NUP205: variants seen among roughly 807,000 people sequenced by gnomAD.
NUP205 encodes nucleoporin 205.
A neutral mutation model predicts 253.8 loss-of-function variants in NUP205; 76 were observed. The ratio of observed to expected loss-of-function variants is 0.30; its 90% CI spans 0.25 to 0.36. The LOEUF is 0.36. Ranked by LOEUF, NUP205 falls within the 10% of genes least tolerant of loss-of-function variation. The probability of loss-of-function intolerance (pLI) is 1.00; values close to 1 mark genes in which losing one functional copy is unlikely to be tolerated. For missense variants in NUP205, 2,162 were observed against 2,425.5 expected, an observed-to-expected ratio of 0.89 and a Z score of 2.28; for synonymous variants, 832 against 850.1, an observed-to-expected ratio of 0.98 and a Z score of 0.37.
At chr7:135,631,839 T>C (rs1794720947) in intron 35 of NUP205, among the ~76,000 whole-genome samples, 1 of 150,620 alleles carries the variant, frequency 6.6e-6, no homozygotes, top group East Asian at 2.0e-4. Flanking sequence ...AAGCTCCGCC[T>C]CCCCGATTCA....
chr7:135,570,518 G>A (rs940151953), intron 1 of NUP205, among the ~76,000 whole-genome samples: 1 of 151,030 alleles, frequency 6.6e-6, no homozygotes, highest in African/African-American at 2.4e-5. Flanking sequence ...CCTACCTAAA[G>A]TCAGGATTTA....
intron 39 of NUP205, among the ~76,000 whole-genome samples, chr7:135,643,944 A>G (rs942531219): frequency 4.7e-4 from 72 of 152,346 alleles, no homozygotes; most frequent in African/African-American, 1.7e-3. Context: ...GTCCTGTCGC[A>G]GCCTGAATGT....
chr7:135,632,654 A>G (rs1379018873), intron 35 of NUP205, among the ~76,000 whole-genome samples: 5 of 151,976 alleles, frequency 3.3e-5, no homozygotes, highest in Admixed American at 2.6e-4. Flanking sequence ...CCCAGGGTCT[A>G]TTCCACCCAG....
chr7:135,584,854 A>G lies in NUP205; in HGVS notation c.1065A>G (p.Ala355=). The change falls in exon 8 of 43, where the codon GCA becomes GCG. Residue 355 remains alanine (A), a synonymous_variant. Coordinates refer to ENST00000285968, the MANE Select transcript of NUP205 (RefSeq NM_015135.3). ...TAGCTCTGGCAGAATTCACAGAGGCAGATGAAGCAATGGCAGAACTCGCAA... is the reference window on the plus strand; with the variant it reads ...TAGCTCTGGCAGAATTCACAGAGGCGGATGAAGCAATGGCAGAACTCGCAA... ...DVTALAEFTE[A]DEAMAELAIA... is the part of the protein sequence containing the mutation. 1.2e-6 allele frequency: 2 copies of G among 1,614,098 alleles called. No homozygotes were observed. The highest frequency in any genetic ancestry group is 1.7e-6 in the Non-Finnish European group (2 of 1,179,978).
At chr7:135,566,770 C>T (rs1411911376) in intron 1 of NUP205, among the ~76,000 whole-genome samples, 1 of 152,006 alleles carries the variant, frequency 6.6e-6, no homozygotes, top group East Asian at 1.9e-4. Flanking sequence ...CGGAGTCTTG[C>T]TCTGTTGCCC....
chr7:135,561,653 A>G (rs1204074649), intron 1 of NUP205, among the ~76,000 whole-genome samples: 1 of 152,170 alleles, frequency 6.6e-6, no homozygotes, highest in Non-Finnish European at 1.5e-5. Context: ...TCTCAAACCT[A>G]CAAACCTAGG....
At chr7:135,567,852 A>G (rs927614086) in intron 1 of NUP205, among the ~76,000 whole-genome samples, 2 of 152,212 alleles carry the variant, frequency 1.3e-5, no homozygotes, top group Non-Finnish European at 2.9e-5. Context: ...GTCTAAACAC[A>G]TATGAGTACC....
intron 30 of NUP205, among the ~76,000 whole-genome samples, chr7:135,621,113 A>G (rs1794462347): frequency 6.6e-6 from 1 of 152,226 alleles, no homozygotes; most frequent in Admixed American, 6.5e-5. Flanking sequence ...TACACTGTTA[A>G]AAACCACTGT....
chr7:135,629,469 A>ATCTCTC (rs201403059), intron 34 of NUP205, among the ~76,000 whole-genome samples: 2,857 of 119,696 alleles, frequency 0.024, 121 homozygotes, highest in Non-Finnish European at 0.032. Flanking sequence ...GTGAGACCCT[A>ATCTCTC]TCTCTCTCTC....
intron 39 of NUP205, among the ~76,000 whole-genome samples, chr7:135,644,442 G>T (rs1794969156): frequency 6.6e-6 from 1 of 152,236 alleles, no homozygotes; most frequent in Admixed American, 6.5e-5. Context: ...GTGCTTGTGT[G>T]TGTGCCACAT....
chr7:135,638,203 A>G (rs1008203212), intron 37 of NUP205, 144 bp downstream of exon 37: 2 of 822,244 alleles, frequency 2.4e-6, no homozygotes, highest in South Asian at 1.8e-5. Context: ...TGAGGTCAAG[A>G]GTTGAAGACC....
rs189489578 is a variant in NUP205 at position 135,573,842 on chromosome 7, C to G, written c.343+17C>G. Reference sequence around the variant, plus strand: ...TTCTTGCTGGTAGGTTGACATTTAACTGAAACAGTGGTAAAATAATGCAAA... The same window carrying G: ...TTCTTGCTGGTAGGTTGACATTTAAGTGAAACAGTGGTAAAATAATGCAAA... On this transcript the variant is annotated intron_variant, in intron 3 of 42. Transcript: ENST00000285968. 2.4e-5 allele frequency: 38 copies of G among 1,592,312 alleles called. No homozygotes were observed. In the African/African-American group the frequency reaches 4.7e-4, roughly 20 times the overall value.
intron 38 of NUP205, among the ~76,000 whole-genome samples, chr7:135,639,307 T>A (rs1794874882): frequency 6.6e-6 from 1 of 152,220 alleles, no homozygotes; most frequent in Non-Finnish European, 1.5e-5. Context: ...CATTTTCATC[T>A]TCTTCAAGAT....
At chr7:135,570,229 T>C (rs964431857) in intron 1 of NUP205, among the ~76,000 whole-genome samples, 10 of 152,014 alleles carry the variant, frequency 6.6e-5, no homozygotes, top group African/African-American at 2.4e-4. Context: ...TAAATTTTTT[T>C]TGAGATGGGG....
At chr7:135,642,021 G>C (rs1307316762) in intron 38 of NUP205, among the ~76,000 whole-genome samples, 1 of 151,974 alleles carries the variant, frequency 6.6e-6, no homozygotes, top group Non-Finnish European at 1.5e-5. Context: ...TTGGGAGGCC[G>C]AGGCGGGTGG....
chr7:135,638,243 G>A (rs1177835831), intron 37 of NUP205, among the ~76,000 whole-genome samples, 184 bp downstream of exon 37: 1 of 152,004 alleles, frequency 6.6e-6, no homozygotes, highest in Non-Finnish European at 1.5e-5. Context: ...AACCTTGTGT[G>A]TACTAAAAAT....
In NUP205 at chr7:135,594,696, T is replaced by G. The variant is rs147701461; in HGVS notation, c.1980T>G (p.Ala660=). 7.6e-5 allele frequency: 122 copies of G among 1,613,662 alleles called. No individual in the cohort carries two copies. The highest frequency in any genetic ancestry group is 1.0e-4 in the Non-Finnish European group (118 of 1,179,808). The change falls in exon 13 of 43, where the codon GCT becomes GCG. Residue 660 remains alanine (A), a synonymous_variant. Transcript: ENST00000285968. ...LAAFGKSPEI[A]ASLWQSLEYT... ...CTTTTGGAAAATCTCCTGAAATTGCTGCTTCCCTCTGGCAGTCATTGGAAT... is the reference window on the plus strand; with the variant it reads ...CTTTTGGAAAATCTCCTGAAATTGCGGCTTCCCTCTGGCAGTCATTGGAAT...
rs372202453 is a variant in NUP205 at position 135,628,028 on chromosome 7, C to T, written c.4849C>T (p.Arg1617Cys). 23 of 1,611,286 alleles carry T rather than the reference C, an allele frequency of 1.4e-5. No homozygotes were observed. The highest frequency in any genetic ancestry group is 9.5e-5 in the African/African-American group (7 of 73,856). The change falls in exon 34 of 43, where the codon CGC becomes TGC. Residue 1617 changes from arginine to cysteine, a missense_variant. Physicochemically the swap from Arg to Cys is radical, Grantham distance 180. This residue lies in a region of NUP205 where 1,144 missense variants were observed against 1,280.9 expected (regional missense o/e 0.89). Coordinates refer to ENST00000285968, the MANE Select transcript of NUP205 (RefSeq NM_015135.3). Reference protein sequence around the residue: ...MFIPTPVDRYRQILLPALQLC... With the variant: ...MFIPTPVDRYCQILLPALQLC... ...CATCCCTACCCCAGTGGATCGCTACCGCCAGATTCTCCTCCCAGCTCTCCA... is the reference window on the plus strand; with the variant it reads ...CATCCCTACCCCAGTGGATCGCTACTGCCAGATTCTCCTCCCAGCTCTCCA...
chr7:135,585,041 G>A, intron 8 of NUP205, 34 bp downstream of exon 8: 1 of 1,153,598 alleles, frequency 8.7e-7, no homozygotes. Flanking sequence ...GTAAATAGTA[G>A]AAGAATTTTA....
Sources: allele counts gnomAD v4.1 joint callset (sites outside exome capture counted in the v4.1 genomes callset), GRCh38; gene constraint gnomAD v4.1.1; regional missense constraint gnomAD v4.1.1; transcripts MANE v1.5; gene names NCBI Gene and HGNC (gene_info 2026-07-23, HGNC 2026-07-21).